RNLS: variants seen among roughly 807,000 people sequenced by gnomAD.
The protein encoded by RNLS is renalase.
RNLS carries 39 observed loss-of-function variants against 39.8 expected under a neutral mutation model. The ratio of observed to expected loss-of-function variants is 0.98; its 90% CI spans 0.76 to 1.28. The LOEUF is 1.28. Ranked by LOEUF, RNLS falls within the 50% of genes most tolerant of loss-of-function variation. The probability of loss-of-function intolerance (pLI) is 0.00; values close to 1 mark genes in which losing one functional copy is unlikely to be tolerated. For synonymous variants in RNLS, 147 were observed against 150.7 expected, an observed-to-expected ratio of 0.98 and a Z score of 0.18; for missense variants, 410 against 413.3, an observed-to-expected ratio of 0.99 and a Z score of 0.07.
At chr10:88,507,902 A>G (rs1179894734) in intron 4 of RNLS, among the ~76,000 whole-genome samples, 2 of 152,162 alleles carry the variant, frequency 1.3e-5, no homozygotes, top group African/African-American at 4.8e-5. Context: ...TCTACAATTG[A>G]TAACAGTGGG....
In RNLS at chr10:88,421,897, C is replaced by A. The variant is rs191593665; in HGVS notation, c.527-59172G>T. Among the ~76,000 whole-genome samples, 5 of 152,220 alleles carry A rather than the reference C, an allele frequency of 3.3e-5. No individual in the cohort carries two copies. The East Asian group carries it at 7.7e-4, about 24-fold the overall frequency. On this transcript the variant is annotated intron_variant, in intron 4 of 6. Coordinates refer to ENST00000331772, the MANE Select transcript of RNLS (RefSeq NM_001031709.3). ...CCTCCTCCTCTCTTAAGAAGCTCCC[C>A]GCAAAAGCCCCACACATCGCTTTCC...
the RNLS span, among the ~76,000 whole-genome samples, chr10:88,224,086 T>C: frequency 2.0e-5 from 3 of 149,730 alleles, no homozygotes; most frequent in African/African-American, 7.4e-5. Flanking sequence ...ATGGAGTAGA[T>C]GCACAAAGGG....
chr10:88,283,681 C>T (rs1024366950), downstream of RNLS, among the ~76,000 whole-genome samples: 1 of 151,926 alleles, frequency 6.6e-6, no homozygotes, highest in Non-Finnish European at 1.5e-5. Context: ...GAGCTGGAGG[C>T]CATTATCTTT....
At chr10:88,578,037 T>C (rs780872688) in intron 3 of RNLS, among the ~76,000 whole-genome samples, 3 of 152,168 alleles carry the variant, frequency 2.0e-5, no homozygotes, top group South Asian at 2.1e-4. Context: ...TTTTTGAAAA[T>C]AGTTGGCAAT....
At chr10:88,352,054 C>A (rs1364147913) in intron 5 of RNLS, among the ~76,000 whole-genome samples, 3 of 152,110 alleles carry the variant, frequency 2.0e-5, no homozygotes, top group Non-Finnish European at 4.4e-5. Flanking sequence ...GATTTTGTAT[C>A]CTGAGACTTT....
intron 4 of RNLS, among the ~76,000 whole-genome samples, chr10:88,500,034 T>G (rs1363254190): frequency 6.6e-6 from 1 of 152,174 alleles, no homozygotes; most frequent in Admixed American, 6.6e-5. Context: ...GTAAGTAGCC[T>G]TTACAGTCAA....
intron 4 of RNLS, among the ~76,000 whole-genome samples, chr10:88,533,797 C>T (rs1224423947): frequency 6.6e-6 from 1 of 152,044 alleles, no homozygotes; most frequent in Non-Finnish European, 1.5e-5. Context: ...TCTAAAGTAA[C>T]CATACACAAG....
intron 5 of RNLS, among the ~76,000 whole-genome samples, chr10:88,360,628 G>A (rs530183198): frequency 2.2e-4 from 34 of 152,176 alleles, no homozygotes; most frequent in Admixed American, 1.3e-3. Context: ...AGTAGAGATA[G>A]GGTTTCATTA....
the RNLS span, among the ~76,000 whole-genome samples, chr10:88,257,779 C>T: frequency 1.3e-5 from 2 of 152,102 alleles, no homozygotes; most frequent in Admixed American, 6.5e-5. Context: ...ACTCAGTCTA[C>T]GATATTATCT....
intron 4 of RNLS, among the ~76,000 whole-genome samples, chr10:88,456,909 T>C (rs1272494783): frequency 6.6e-6 from 1 of 152,228 alleles, no homozygotes; most frequent in Non-Finnish European, 1.5e-5. Flanking sequence ...CACGGCCTTC[T>C]TGCACAATAT....
chr10:88,521,366 T>G (rs1846721398), intron 4 of RNLS, among the ~76,000 whole-genome samples: 1 of 152,056 alleles, frequency 6.6e-6, no homozygotes, highest in Non-Finnish European at 1.5e-5. Context: ...CTCTGTTTCG[T>G]TCACAGGTTC....
rs183623278 is a variant in RNLS, at chr10:88,274,961, T to A, written c.948A>T (p.Ter316CysextTer13). Reference sequence around the variant, plus strand: ...ACTGTGTGCTCCAATTTCCAGGAAGTCAGATGGGAAATCCAATCGCCATCA... The same window carrying A: ...ACTGTGTGCTCCAATTTCCAGGAAGACAGATGGGAAATCCAATCGCCATCA... Residue 316 changes from the stop codon to cysteine (C), a stop_lost, in exon 7 of 7, where the codon TGA becomes TGT. Transcript: ENST00000371947. The A allele has an allele frequency of 6.2e-6, 10 of 1,611,216 alleles. No homozygotes were observed. In the Admixed American group the frequency reaches 1.7e-4, roughly 27 times the overall value.
At chr10:88,271,794 T>C (rs377541180), downstream of RNLS, among the ~76,000 whole-genome samples, 11 of 152,212 alleles carry the variant, frequency 7.2e-5, no homozygotes, top group African/African-American at 2.4e-4. Context: ...GCCTGGAAAA[T>C]TGGTTGTATA....
intron 4 of RNLS, among the ~76,000 whole-genome samples, chr10:88,461,689 C>T (rs1481280795): frequency 6.6e-6 from 1 of 152,026 alleles, no homozygotes; most frequent in African/African-American, 2.4e-5. Context: ...ATCTTTGTAT[C>T]TTGCTAAATG....
intron 4 of RNLS, among the ~76,000 whole-genome samples, chr10:88,492,990 ATATC>A (rs1199417805): frequency 2.0e-5 from 3 of 152,192 alleles, no homozygotes; most frequent in African/African-American, 7.2e-5. Flanking sequence ...TTATTTAAGT[ATATC>A]TATAACTCAA....
chr10:88,279,694 G>A (rs137956505), downstream of RNLS, among the ~76,000 whole-genome samples: 276 of 152,248 alleles, frequency 1.8e-3, no homozygotes, highest in Non-Finnish European at 2.7e-3. Flanking sequence ...CAATCCAAGC[G>A]TGCAATTCTT....
intron 4 of RNLS, among the ~76,000 whole-genome samples, chr10:88,441,789 T>C (rs1169837386): frequency 6.6e-6 from 1 of 152,146 alleles, no homozygotes; most frequent in Non-Finnish European, 1.5e-5. Context: ...TGCTCTCAAA[T>C]GTTACCGTGT....
chr10:88,364,567 C>G (rs769740771), intron 4 of RNLS, among the ~76,000 whole-genome samples: 3 of 152,132 alleles, frequency 2.0e-5, no homozygotes, highest in Non-Finnish European at 4.4e-5. Context: ...TATATTCTTA[C>G]TACCCTATAC....
chr10:88,309,460 C>T, intron 6 of RNLS: 4 of 1,289,678 alleles, frequency 3.1e-6, no homozygotes, highest in Non-Finnish European at 4.0e-6. Context: ...ACATCCACTT[C>T]CCCCACCAAA....
Sources: gnomAD v4.1 joint callset for allele counts (sites outside exome capture counted in the v4.1 genomes callset) on GRCh38, gnomAD v4.1.1 for gene constraint, MANE v1.5 for transcripts, NCBI Gene and HGNC (gene_info 2026-07-23, HGNC 2026-07-21) for gene names.